CDKL1: variants seen among roughly 807,000 people sequenced by gnomAD.
The protein encoded by CDKL1 is cyclin dependent kinase like 1.
Under a neutral mutation model 42.0 loss-of-function variants are expected in CDKL1, and 41 were observed. The observed-to-expected ratio is 0.98, with a 90% CI of 0.76 to 1.27. The LOEUF is 1.27. CDKL1 is among the 50% of genes most tolerant of loss of function. The pLI is 0.00. For synonymous variants in CDKL1, 153 were observed against 158.6 expected (o/e 0.96, Z 0.26); for missense variants, 394 against 428.4 (o/e 0.92, Z 0.71).
rs2032781127 is a variant in CDKL1, at chr14:50,328,180, A to G, written c.*1894T>C. 1 of 152,180 alleles carries G rather than the reference A, an allele frequency of 6.6e-6. No individual in the cohort carries two copies. The highest frequency in any genetic ancestry group is 1.5e-5 in the Non-Finnish European group (1 of 68,046). 9.4% of individuals were successfully genotyped at this position (152,180 alleles called of 1,614,324 possible). A position where few individuals can be genotyped will look rare whatever the true frequency, so the allele number is the denominator to read the frequency against. ...ATTGGCTGAATTATTAGGCTGTTATAGTAATCTGCCTCCGTCAAGTGTATT... is the reference window on the plus strand; with the variant it reads ...ATTGGCTGAATTATTAGGCTGTTATGGTAATCTGCCTCCGTCAAGTGTATT... On this transcript the variant is annotated 3_prime_UTR_variant, in exon 10 of 10. Transcript: ENST00000395834.
intron 7 of CDKL1, 32 bp downstream of exon 7, chr14:50,338,915 C>T: frequency 7.2e-7 from 1 of 1,379,538 alleles, no homozygotes; most frequent in South Asian, 1.2e-5. Context: ...CTAGCCTGGC[C>T]TACAGAGCTC....
intron 2 of CDKL1, chr14:50,380,306 T>C (rs1160776708): frequency 2.0e-6 from 1 of 494,572 alleles, no homozygotes. Context: ...GTGATGCCCA[T>C]GCTAACCCCC....
rs2032737141 is a variant in CDKL1 at position 50,327,152 on chromosome 14, A to C, written c.*2922T>G. 6.6e-6 allele frequency: 1 copy of C among 151,946 alleles called. No homozygotes were observed. The highest frequency in any genetic ancestry group is 1.5e-5 in the Non-Finnish European group (1 of 68,032). The allele number at this position is 151,946 out of a possible 1,614,324, so 9.4% of individuals were successfully genotyped here. On this transcript the variant is annotated 3_prime_UTR_variant, in exon 10 of 10. Coordinates refer to ENST00000395834, the MANE Select transcript of CDKL1 (RefSeq NM_004196.7). ...GGACGAGCCTGGGCAACATGGCAAAACCCTGTCTCTACCAAAAAATTAAAA... is the reference window on the plus strand; with the variant it reads ...GGACGAGCCTGGGCAACATGGCAAACCCCTGTCTCTACCAAAAAATTAAAA...
intron 7 of CDKL1, chr14:50,335,551 A>T (rs1212905190): frequency 7.2e-6 from 11 of 1,536,116 alleles, no homozygotes; most frequent in Non-Finnish European, 9.6e-6. Context: ...GGAGACAATC[A>T]GGAATAACAC....
intron 6 of CDKL1, 130 bp downstream of exon 6, chr14:50,340,902 G>T: frequency 2.2e-6 from 2 of 894,080 alleles, no homozygotes; most frequent in Non-Finnish European, 3.3e-6. Context: ...TTTAAATGAG[G>T]CTTCGAGTTT....
rs1005427939 is a variant in CDKL1 at position 50,328,220 on chromosome 14, A to G, written c.*1854T>C. 2.6e-5 allele frequency: 4 copies of G among 151,876 alleles called. No individual in the cohort carries two copies. The highest frequency in any genetic ancestry group is 7.3e-5 in the African/African-American group (3 of 41,354). 9.4% of individuals were successfully genotyped at this position (151,876 alleles called of 1,614,324 possible). A position where few individuals can be genotyped will look rare whatever the true frequency, so the allele number is the denominator to read the frequency against. On this transcript the variant is annotated 3_prime_UTR_variant, in exon 10 of 10. Transcript: ENST00000395834. ...TCAAGTGTATTTTCTTGGGTTAAGGAAAAAAAAATTTTTTTTTAACTATTC... is the reference window on the plus strand; with the variant it reads ...TCAAGTGTATTTTCTTGGGTTAAGGGAAAAAAAATTTTTTTTTAACTATTC...
chr14:50,332,734 C>T, intron 8 of CDKL1: 2 of 1,444,772 alleles, frequency 1.4e-6, no homozygotes, highest in South Asian at 1.2e-5. Flanking sequence ...CCTCAGTGGC[C>T]AAATGGGGTA....
rs760442330 is a variant in CDKL1 at position 50,358,065 on chromosome 14, C to T, written c.290+963G>A. Reference sequence around the variant, plus strand: ...CTCAACTTCAGGAAGGGACCCCCTCCTCCTTTTTTCTTTTTCTTGGACAAG... The same window carrying T: ...CTCAACTTCAGGAAGGGACCCCCTCTTCCTTTTTTCTTTTTCTTGGACAAG... On this transcript the variant is annotated intron_variant, in intron 3 of 9. Transcript: ENST00000395834. 2.2e-6 allele frequency: 3 copies of T among 1,358,066 alleles called. No homozygotes were observed. The South Asian group carries it at 3.4e-5, about 15-fold the overall frequency. 84.1% of individuals were successfully genotyped at this position (1,358,066 alleles called of 1,614,324 possible). A position where few individuals can be genotyped will look rare whatever the true frequency, so the allele number is the denominator to read the frequency against.
In CDKL1 at chr14:50,329,089, A is replaced by G. The variant is rs1437392239; in HGVS notation, c.*985T>C. ...CATACACATACATACACATACAAAC[A>G]TAGTGCAAAAAGATGTTTCAGGGAA... On this transcript the variant is annotated 3_prime_UTR_variant, in exon 10 of 10. Coordinates refer to ENST00000395834, the MANE Select transcript of CDKL1 (RefSeq NM_004196.7). The G allele has an allele frequency of 6.6e-6, 1 of 151,068 alleles. No individual in the cohort carries two copies. Among genetic ancestry groups the G allele is most frequent in the East Asian group, 1.9e-4 (1 of 5,162 alleles). The allele number at this position is 151,068 out of a possible 1,614,324, so 9.4% of individuals were successfully genotyped here.
At chr14:50,383,716 G>T (rs2034992085) in intron 2 of CDKL1, among the ~76,000 whole-genome samples, 1 of 152,120 alleles carries the variant, frequency 6.6e-6, no homozygotes, top group Non-Finnish European at 1.5e-5. Context: ...GCCTCCTCTT[G>T]CTCTGTGACA....
At chr14:50,330,863 A>G (rs11570881) in intron 9 of CDKL1, 1 of 152,246 alleles carries the variant, frequency 6.6e-6, no homozygotes, top group Non-Finnish European at 1.5e-5. Flanking sequence ...TACTTTCTAG[A>G]AAAAAATTTT....
At chr14:50,395,565 G>C in intron 2 of CDKL1, 136 bp downstream of exon 2, 1 of 624,050 alleles carries the variant, frequency 1.6e-6, no homozygotes. Context: ...TACTCAGGAG[G>C]CTGAGGCAGA....
chr14:50,331,226 C>G (rs1273886568), intron 9 of CDKL1: 1 of 152,276 alleles, frequency 6.6e-6, no homozygotes, highest in African/African-American at 2.4e-5. Context: ...GAGTGAGACT[C>G]AGTCTCAAAA....
chr14:50,376,425 G>T, intron 2 of CDKL1: 1 of 469,206 alleles, frequency 2.1e-6, no homozygotes, highest in Non-Finnish European at 4.4e-6. Context: ...ACTTCCTGTG[G>T]AGGCAAAAAA....
chr14:50,371,295 T>C (rs2034584094), intron 2 of CDKL1, among the ~76,000 whole-genome samples: 1 of 152,238 alleles, frequency 6.6e-6, no homozygotes, highest in Non-Finnish European at 1.5e-5. Flanking sequence ...ATTCTATTTT[T>C]AGTTTTGTGA....
chr14:50,349,150 AG>A (rs1240071475), intron 3 of CDKL1, among the ~76,000 whole-genome samples: 1 of 152,258 alleles, frequency 6.6e-6, no homozygotes, highest in Non-Finnish European at 1.5e-5. Context: ...AAAAAGAAAC[AG>A]GACTTCACAA....
chr14:50,362,753 C>G (rs1403282090), intron 2 of CDKL1: 2 of 232,004 alleles, frequency 8.6e-6, no homozygotes, highest in Admixed American at 4.5e-5. Flanking sequence ...CCAATCAGCA[C>G]CCTGTCAAAA....
chr14:50,334,136 T>C (rs1372424314), intron 8 of CDKL1: 1 of 152,758 alleles, frequency 6.5e-6, no homozygotes. Context: ...TTAAAAAAAT[T>C]GAAAATATAC....
Position 50,329,966 on chromosome 14 carries a change from C to T in CDKL1, c.*108G>A. The T allele has an allele frequency of 7.5e-7, 1 of 1,331,198 alleles. No individual in the cohort carries two copies. Among genetic ancestry groups the T allele is most frequent in the East Asian group, 2.8e-5 (1 of 35,890 alleles). 82.5% of individuals were successfully genotyped at this position (1,331,198 alleles called of 1,614,324 possible). On this transcript the variant is annotated 3_prime_UTR_variant, in exon 10 of 10. Coordinates refer to ENST00000395834, the MANE Select transcript of CDKL1 (RefSeq NM_004196.7). ...CCTCCCAGTTTCTTGCTTATGTTTT[C>T]TCCTGGTGTGTTTTCAACATTGTAA...
Sources: allele counts gnomAD v4.1 joint callset (sites outside exome capture counted in the v4.1 genomes callset), GRCh38; gene constraint gnomAD v4.1.1; transcripts MANE v1.5; gene names NCBI Gene and HGNC (gene_info 2026-07-23, HGNC 2026-07-21).